The following ASTN2 variants were observed in gnomAD, a reference collection of about 807,000 sequenced individuals.
ASTN2 encodes the protein astrotactin-2.
ASTN2 carries 54 observed loss-of-function variants against 139.8 expected under a neutral mutation model. The ratio of observed to expected loss-of-function variants is 0.39; its 90% confidence interval spans 0.31 to 0.48. The LOEUF (loss-of-function observed/expected upper bound fraction) is 0.48. ASTN2 is among the 20% of genes least tolerant of loss of function. The pLI, the probability that ASTN2 is intolerant of heterozygous loss-of-function variation, is 0.95. For missense variants in ASTN2, 1,565 were observed against 1,725.1 expected, an observed-to-expected ratio of 0.91 and a Z score of 1.64; for synonymous variants, 756 against 719.5, an observed-to-expected ratio of 1.05 and a Z score of -0.81.
intron 10 of ASTN2, among the ~76,000 whole-genome samples, chr9:116,910,587 G>A (rs573223167): frequency 3.5e-4 from 53 of 152,294 alleles, no homozygotes; most frequent in African/African-American, 1.2e-3. Flanking sequence ...GGCTGGGGCC[G>A]GAAGTGGAGG....
At chr9:116,860,891 G>T (rs1832859306) in intron 11 of ASTN2, among the ~76,000 whole-genome samples, 1 of 152,192 alleles carries the variant, frequency 6.6e-6, no homozygotes, top group South Asian at 2.1e-4. Context: ...GAATGTCTTA[G>T]AAGGTGAGCT....
At chr9:116,845,630 T>G (rs923543480) in intron 11 of ASTN2, among the ~76,000 whole-genome samples, 5 of 152,198 alleles carry the variant, frequency 3.3e-5, no homozygotes, top group Non-Finnish European at 7.3e-5. Context: ...CATGAAAAGA[T>G]GACCAAAATG....
intron 19 of ASTN2, among the ~76,000 whole-genome samples, chr9:116,508,323 G>A (rs923750737): frequency 1.3e-5 from 2 of 152,216 alleles, no homozygotes; most frequent in Non-Finnish European, 2.9e-5. Flanking sequence ...TTCAGTGCAT[G>A]GTAGTGGCGT....
At chr9:117,099,196 C>A (rs1828913753) in intron 4 of ASTN2, among the ~76,000 whole-genome samples, 1 of 151,884 alleles carries the variant, frequency 6.6e-6, no homozygotes. Flanking sequence ...CTGATAAAGT[C>A]ATTCTCTTAT....
intron 4 of ASTN2, among the ~76,000 whole-genome samples, chr9:117,115,055 C>T (rs184675555): frequency 2.5e-4 from 38 of 152,232 alleles, no homozygotes; most frequent in African/African-American, 8.2e-4. Flanking sequence ...AAGCCCTTTA[C>T]GAATTCCTGA....
In ASTN2 at chr9:117,359,480, T is replaced by C. The variant is rs545491142; in HGVS notation, c.442+55017A>G. On this transcript the variant is annotated intron_variant, in intron 1 of 22. Transcript: ENST00000313400. The stretch of plus-strand genomic sequence containing the variant: ...TGCTGAGATAAGGCTTTAGTCATTC[T>C]ACTATGAATTAAAAGATATTGTTAA... Among the ~76,000 whole-genome samples, 16 of 152,350 alleles carry C rather than the reference T, an allele frequency of 1.1e-4. No individual in the cohort carries two copies. In the South Asian group the frequency reaches 1.5e-3, roughly 14 times the overall value.
chr9:116,598,191 C>G lies in ASTN2; in HGVS notation c.3355+20133G>C, dbSNP rs574173912. 8.3e-4 allele frequency among the ~76,000 whole-genome samples: 127 copies of G among 152,276 alleles called. 1 individual carries two copies. The highest frequency in any genetic ancestry group is 3.4e-3 in the Middle Eastern group (1 of 294). On this transcript the variant is annotated intron_variant, in intron 19 of 22. Coordinates refer to ENST00000313400, the MANE Select transcript of ASTN2 (RefSeq NM_001365068.1). Reference sequence around the variant, plus strand: ...GGCTCCAGGGAAGTACCCAAAATCTCTCCTTTGGGAGGTAGGACAGAATGA... The same window carrying G: ...GGCTCCAGGGAAGTACCCAAAATCTGTCCTTTGGGAGGTAGGACAGAATGA...
At chr9:116,487,087 C>G (rs1849364820) in intron 20 of ASTN2, among the ~76,000 whole-genome samples, 1 of 152,172 alleles carries the variant, frequency 6.6e-6, no homozygotes. Context: ...AAGCCCTCTT[C>G]TCTCTCTGAG....
chr9:116,844,056 T>C (rs1832351998), intron 11 of ASTN2, among the ~76,000 whole-genome samples: 1 of 152,220 alleles, frequency 6.6e-6, no homozygotes, highest in Non-Finnish European at 1.5e-5. Context: ...TTAATCCAGA[T>C]ACTGTCATTT....
chr9:116,732,673 G>A (rs1358596925), intron 14 of ASTN2, among the ~76,000 whole-genome samples: 1 of 152,216 alleles, frequency 6.6e-6, no homozygotes, highest in Non-Finnish European at 1.5e-5. Flanking sequence ...AGAGGAAAGA[G>A]CATCCTGGGG....
intron 7 of ASTN2, among the ~76,000 whole-genome samples, chr9:116,994,394 G>A (rs1836951751): frequency 6.6e-6 from 1 of 152,166 alleles, no homozygotes; most frequent in African/African-American, 2.4e-5. Flanking sequence ...TCTTCCTGTT[G>A]AATATCAGTA....
chr9:117,102,046 C>T (rs1828991215), intron 4 of ASTN2, among the ~76,000 whole-genome samples: 1 of 152,108 alleles, frequency 6.6e-6, no homozygotes, highest in Non-Finnish European at 1.5e-5. Context: ...CCTCCAGCCC[C>T]AAAACTGAAG....
chr9:117,014,322 G>C lies in ASTN2; in HGVS notation c.1424-6063C>G, dbSNP rs139351735. Among the ~76,000 whole-genome samples, 22 of 152,248 alleles carry C rather than the reference G, an allele frequency of 1.4e-4. 1 individual carries two copies. Among genetic ancestry groups the C allele is most frequent in the African/African-American group, 5.1e-4 (21 of 41,556 alleles). On this transcript the variant is annotated intron_variant, in intron 6 of 22. Transcript: ENST00000313400. The stretch of plus-strand genomic sequence containing the variant: ...AAAACTATTTACGGGGTGGGTGATA[G>C]AACTGCAAAAATGTGGTTAAAAACA...
At chr9:117,147,491 C>T (rs989328498) in intron 3 of ASTN2, among the ~76,000 whole-genome samples, 1 of 151,346 alleles carries the variant, frequency 6.6e-6, no homozygotes, top group East Asian at 1.9e-4. Context: ...TCTCTTCCCC[C>T]ACGCAACCAC....
At position 116,864,176 on chromosome 9, in the gene ASTN2, T is replaced by C. The variant is rs541347429; in HGVS notation, c.1890-443A>G. Among the ~76,000 whole-genome samples the C allele has an allele frequency of 5.9e-5, 9 of 152,272 alleles. No homozygotes were observed. The East Asian group carries it at 1.4e-3, about 23-fold the overall frequency. ...TACCTGTTTCTACAGATTTCAGAGC[T>C]CCCTATAGCAACTCTGCAATTGGGC... is the stretch of plus-strand genomic sequence containing the variant. On this transcript the variant is annotated intron_variant, in intron 10 of 22. Coordinates refer to ENST00000313400, the MANE Select transcript of ASTN2 (RefSeq NM_001365068.1).
At chr9:116,493,135 T>C (rs1429998920) in intron 19 of ASTN2, among the ~76,000 whole-genome samples, 1 of 152,132 alleles carries the variant, frequency 6.6e-6, no homozygotes, top group Admixed American at 6.6e-5. Context: ...AATTCAAGGA[T>C]TTGCAGCTAC....
At chr9:116,683,454 CTT>C (rs1276418753) in intron 16 of ASTN2, among the ~76,000 whole-genome samples, 1 of 152,138 alleles carries the variant, frequency 6.6e-6, no homozygotes, top group Non-Finnish European at 1.5e-5. Context: ...TAGCTATAGA[CTT>C]TTGTCATCCA....
chr9:117,314,824 ATATAAT>A (rs923384354), intron 1 of ASTN2, among the ~76,000 whole-genome samples: 1 of 145,870 alleles, frequency 6.9e-6, no homozygotes. Context: ...TTATATAACT[ATATAAT>A]TATAATTATA....
intron 21 of ASTN2, among the ~76,000 whole-genome samples, 169 bp from the exon 22 acceptor site, chr9:116,440,961 T>C (rs1033341262): frequency 6.6e-6 from 1 of 152,208 alleles, no homozygotes; most frequent in Non-Finnish European, 1.5e-5. Flanking sequence ...TGGTTGTGTT[T>C]GGTTTTCTGT....
Sources: allele counts gnomAD v4.1 joint callset (sites outside exome capture counted in the v4.1 genomes callset), GRCh38; gene constraint gnomAD v4.1.1; transcripts MANE v1.5; gene names NCBI Gene and HGNC (gene_info 2026-07-23, HGNC 2026-07-21).